USP35: variants seen among roughly 807,000 people sequenced by gnomAD.
USP35 encodes the protein ubiquitin carboxyl-terminal hydrolase 35.
A neutral mutation model predicts 83.8 loss-of-function variants in USP35; 69 were observed. The observed-to-expected ratio is 0.82, with a 90% CI of 0.68 to 1.01. USP35 has a LOEUF of 1.01. Among genes scored for constraint, USP35 ranks in the 50% least tolerant of loss-of-function variants. The pLI, the probability that USP35 is intolerant of heterozygous loss-of-function variation, is 0.00. For synonymous variants in USP35, 714 were observed against 589.5 expected (o/e 1.21, Z -3.06); for missense variants, 1,503 against 1,362.5 (o/e 1.10, Z -1.62).
chr11:78,234,984 C>A, the USP35 span, among the ~76,000 whole-genome samples: 1 of 151,794 alleles, frequency 6.6e-6, no homozygotes, highest in Non-Finnish European at 1.5e-5. Context: ...CATTCCAGCC[C>A]GGGAGACAGA....
chr11:78,211,168 T>C (rs529510987), intron 10 of USP35, among the ~76,000 whole-genome samples: 1 of 151,704 alleles, frequency 6.6e-6, no homozygotes, highest in South Asian at 2.1e-4. Context: ...GTATTCTCAT[T>C]GTTCAGCTCC....
downstream of USP35, chr11:78,215,271 A>C (rs944416598): frequency 1.3e-5 from 2 of 152,590 alleles, no homozygotes; most frequent in African/African-American, 4.8e-5. Context: ...GCCCCTCAAG[A>C]CAAGATGGAC....
rs768770204 is a variant in USP35 at position 78,199,546 on chromosome 11, G to C, written c.807-49G>C. ...TAGCCCCTGGGCTGCCCTCACCCCA[G>C]CATTTTGGGTGTCCCTTGTCCCTGT... On this transcript the variant is annotated intron_variant, in intron 3 of 10. Coordinates refer to ENST00000529308, the MANE Select transcript of USP35 (RefSeq NM_020798.4). The C allele has an allele frequency of 1.1e-5, 17 of 1,612,436 alleles. No homozygotes were observed. The South Asian group carries it at 1.8e-4, about 17-fold the overall frequency.
downstream of USP35, chr11:78,219,305 C>T: frequency 1.2e-6 from 2 of 1,613,866 alleles, no homozygotes; most frequent in Non-Finnish European, 1.7e-6. Context: ...GCTCTGAGGA[C>T]TGCCGCACGT....
the USP35 span, among the ~76,000 whole-genome samples, chr11:78,224,512 T>TA: frequency 2.6e-5 from 4 of 152,224 alleles, no homozygotes; most frequent in African/African-American, 9.6e-5. Flanking sequence ...AGTTGTGTGA[T>TA]ACAGCAATCC....
At chr11:78,191,090 A>T (rs1862990201) in intron 1 of USP35, among the ~76,000 whole-genome samples, 1 of 152,188 alleles carries the variant, frequency 6.6e-6, no homozygotes, top group African/African-American at 2.4e-5. Context: ...GGAGAGACCA[A>T]GGAGGGATGA....
intron 2 of USP35, among the ~76,000 whole-genome samples, chr11:78,197,378 G>A (rs1178679881): frequency 6.6e-6 from 1 of 152,122 alleles, no homozygotes; most frequent in Non-Finnish European, 1.5e-5. Context: ...GTCTGGAGAG[G>A]TGATGGAGTC....
intron 6 of USP35, among the ~76,000 whole-genome samples, chr11:78,201,429 G>A (rs551674755): frequency 3.3e-5 from 5 of 152,242 alleles, no homozygotes; most frequent in East Asian, 1.9e-4. Context: ...TGAGAGGATC[G>A]CAGCCTGGTG....
the USP35 span, among the ~76,000 whole-genome samples, chr11:78,228,639 A>C: frequency 1.3e-5 from 2 of 152,176 alleles, no homozygotes; most frequent in African/African-American, 2.4e-5. Flanking sequence ...GCTTCCTCTC[A>C]TGTAAACTGT....
At chr11:78,202,497 C>G (rs12294038) in intron 6 of USP35, among the ~76,000 whole-genome samples, 2,510 of 152,176 alleles carry the variant, frequency 0.016, 76 homozygotes, top group African/African-American at 0.059. Context: ...CAAGGGTAAC[C>G]TGGTAGAAAG....
downstream of USP35, chr11:78,219,318 G>C (rs770369313): frequency 6.2e-7 from 1 of 1,613,960 alleles, no homozygotes; most frequent in South Asian, 1.1e-5. Flanking sequence ...CCGCACGTCT[G>C]TCCACTCCTG....
the USP35 span, among the ~76,000 whole-genome samples, chr11:78,225,616 A>C: frequency 6.6e-6 from 1 of 152,240 alleles, no homozygotes; most frequent in Admixed American, 6.5e-5. Flanking sequence ...GTATGTCTTT[A>C]TCATCTCAGT....
the USP35 span, among the ~76,000 whole-genome samples, chr11:78,225,566 C>T: frequency 6.6e-6 from 1 of 152,184 alleles, no homozygotes; most frequent in South Asian, 2.1e-4. Flanking sequence ...TTTATTTTCC[C>T]AATGAGATGT....
rs1863209635 is a variant in USP35 at position 78,198,049 on chromosome 11, A to G, written c.787A>G (p.Met263Val). The G allele has an allele frequency of 6.2e-7, 1 of 1,614,114 alleles. No homozygotes were observed. The highest frequency in any genetic ancestry group is 1.3e-5 in the African/African-American group (1 of 74,936). ...SNDDSVTDSQ[M>V]LTAISRMIDW... ...TGATGACAGTGTGACAGACTCGCAGATGCTGACTGCCATTAGCAGGTGGGA... is the reference window on the plus strand; with the variant it reads ...TGATGACAGTGTGACAGACTCGCAGGTGCTGACTGCCATTAGCAGGTGGGA... Residue 263 changes from methionine to valine, a missense_variant, in exon 3 of 11, where the codon ATG becomes GTG. Coordinates refer to ENST00000529308, the MANE Select transcript of USP35 (RefSeq NM_020798.4).
the USP35 span, chr11:78,226,855 C>T: frequency 6.2e-7 from 1 of 1,614,076 alleles, no homozygotes; most frequent in Non-Finnish European, 8.5e-7. Context: ...CCATGGGAGG[C>T]CAGGCTGCGG....
At chr11:78,190,147 A>T (rs1204806798) in intron 1 of USP35, among the ~76,000 whole-genome samples, 2 of 152,206 alleles carry the variant, frequency 1.3e-5, no homozygotes, top group Non-Finnish European at 2.9e-5. Flanking sequence ...GACCTGGAGC[A>T]GGGAGAGGTT....
chr11:78,196,423 G>A lies in USP35; in HGVS notation c.178G>A (p.Val60Met). Residue 60 changes from valine (V) to methionine (M), a missense_variant, in exon 2 of 11, where the codon GTG becomes ATG. Transcript: ENST00000529308. This position sits in a 1 kb window ranked among gnomAD's most constrained non-coding sequence, Gnocchi z 4.8. ...CGGCGCGGAGGAGCTGCCGCGCCGC[G>A]TGGGCTGCCAGCTGCTGCACGTGGC... ...VGGAEELPRR[V>M]GCQLLHVAGR... The A allele has an allele frequency of 7.7e-7, 1 of 1,293,036 alleles. No individual in the cohort carries two copies. The highest frequency in any genetic ancestry group is 9.8e-7 in the Non-Finnish European group (1 of 1,023,248). The allele number at this position is 1,293,036 out of a possible 1,614,324, so 80.1% of individuals were successfully genotyped here.
the USP35 span, among the ~76,000 whole-genome samples, chr11:78,220,798 C>T: frequency 6.6e-5 from 10 of 152,178 alleles, no homozygotes; most frequent in African/African-American, 1.9e-4. Flanking sequence ...GCACATCAGG[C>T]CAAGTCTCAT....
the USP35 span, chr11:78,222,316 G>A: frequency 1.7e-4 from 117 of 686,646 alleles, no homozygotes; most frequent in Non-Finnish European, 6.1e-5. Flanking sequence ...GTTTCACACA[G>A]GGAAACTGAC....
Sources: allele counts gnomAD v4.1 joint callset (sites outside exome capture counted in the v4.1 genomes callset), GRCh38; gene constraint gnomAD v4.1.1; non-coding constraint Gnocchi (gnomAD v3.1); transcripts MANE v1.5; gene names NCBI Gene and HGNC (gene_info 2026-07-23, HGNC 2026-07-21).